Variants in NKAIN3 observed in about 807,000 individuals in gnomAD.
NKAIN3 encodes the protein sodium/potassium transporting ATPase interacting 3, also known as sodium/potassium-transporting ATPase subunit beta-1-interacting protein 3.
NKAIN3 carries 25 observed loss-of-function variants against 30.2 expected under a neutral mutation model. The ratio of observed to expected loss-of-function variants is 0.83; its 90% confidence interval spans 0.60 to 1.16. The LOEUF (loss-of-function observed/expected upper bound fraction) is 1.16. NKAIN3 is among the 50% of genes most tolerant of loss of function. The pLI is 0.00. For synonymous variants in NKAIN3, 91 were observed against 89.6 expected (o/e 1.02, Z -0.09); for missense variants, 225 against 254.1 (o/e 0.89, Z 0.78).
intron 1 of NKAIN3, among the ~76,000 whole-genome samples, chr8:62,384,744 T>C (rs1817373955): frequency 6.6e-6 from 1 of 152,112 alleles, no homozygotes; most frequent in Non-Finnish European, 1.5e-5. Flanking sequence ...TAAGCAGTGT[T>C]CACTTAAAAA....
At chr8:62,455,791 G>A (rs1805797780) in intron 1 of NKAIN3, among the ~76,000 whole-genome samples, 1 of 152,160 alleles carries the variant, frequency 6.6e-6, no homozygotes, top group Admixed American at 6.5e-5. Context: ...AAGCTTGTTA[G>A]CCTCAAATAA....
At chr8:62,576,193 GA>G (rs1464898021) in intron 1 of NKAIN3, among the ~76,000 whole-genome samples, 4 of 151,896 alleles carry the variant, frequency 2.6e-5, no homozygotes, top group Non-Finnish European at 4.4e-5. Flanking sequence ...CAGAATGGGA[GA>G]AAAAAATTGC....
chr8:62,863,974 GAAA>G, intron 4 of NKAIN3: 1 of 812,338 alleles, frequency 1.2e-6, no homozygotes, highest in Non-Finnish European at 2.2e-6. Flanking sequence ...AGGTGGAGGA[GAAA>G]GAACTAAAGG....
At chr8:62,477,849 A>AG (rs1806571160) in intron 1 of NKAIN3, among the ~76,000 whole-genome samples, 1 of 152,210 alleles carries the variant, frequency 6.6e-6, no homozygotes, top group South Asian at 2.1e-4. Context: ...TAAAACAGTG[A>AG]GGGGATTAGA....
At chr8:62,892,992 T>G (rs953064171) in intron 4 of NKAIN3, among the ~76,000 whole-genome samples, 14 of 152,276 alleles carry the variant, frequency 9.2e-5, no homozygotes, top group Middle Eastern at 6.8e-3. Context: ...TATATCAGTA[T>G]AAAAAGGTGG....
At chr8:62,837,997 G>A (rs1819420215) in intron 4 of NKAIN3, among the ~76,000 whole-genome samples, 2 of 152,098 alleles carry the variant, frequency 1.3e-5, no homozygotes, top group South Asian at 4.1e-4. Flanking sequence ...AATGATAAAA[G>A]TAAGGATAAA....
intron 1 of NKAIN3, among the ~76,000 whole-genome samples, chr8:62,453,660 T>C (rs1265961622): frequency 1.3e-5 from 2 of 151,450 alleles, no homozygotes; most frequent in Admixed American, 1.3e-4. Flanking sequence ...AAAGAGAAAG[T>C]TTAAATAAAC....
chr8:62,766,954 A>G (rs1816858363), intron 4 of NKAIN3, among the ~76,000 whole-genome samples: 1 of 151,384 alleles, frequency 6.6e-6, no homozygotes, highest in South Asian at 2.1e-4. Flanking sequence ...TATGTAGGAA[A>G]ACTGTCCATT....
At chr8:62,800,199 AAATAAAT>A (rs1476487265) in intron 4 of NKAIN3, among the ~76,000 whole-genome samples, 17 of 150,774 alleles carry the variant, frequency 1.1e-4, no homozygotes, top group African/African-American at 3.4e-4. Flanking sequence ...AAACCTATTG[AAATAAAT>A]AATAAATAAA....
rs576909613 is a variant in NKAIN3, at chr8:62,596,863, A to G, written c.273+7069A>G. 3.8e-3 allele frequency among the ~76,000 whole-genome samples: 573 copies of G among 152,222 alleles called. 2 individuals carry two copies. Among genetic ancestry groups the G allele is most frequent in the Admixed American group, 5.9e-3 (90 of 15,272 alleles). On this transcript the variant is annotated intron_variant, in intron 3 of 6. Coordinates refer to ENST00000623646, the MANE Select transcript of NKAIN3 (RefSeq NM_001304533.3). Reference sequence around the variant, plus strand: ...TATCTTTTCTTCATTGTCTGCAAGAAATGTGACTGGGTTAAGAGTTGCACA... The same window carrying G: ...TATCTTTTCTTCATTGTCTGCAAGAGATGTGACTGGGTTAAGAGTTGCACA...
At chr8:62,631,942 A>G (rs1811975932) in intron 3 of NKAIN3, among the ~76,000 whole-genome samples, 1 of 152,152 alleles carries the variant, frequency 6.6e-6, no homozygotes, top group South Asian at 2.1e-4. Context: ...GTCTATCACA[A>G]TGTCTGATTC....
rs532961711 is a variant in NKAIN3 at position 62,916,735 on chromosome 8, C to G, written c.472-1718C>G. ...GGAAGGAACACAACACTGCTTCCTCCTCTTCTCACCCCACTTCTCTCACTG... is the reference window on the plus strand; with the variant it reads ...GGAAGGAACACAACACTGCTTCCTCGTCTTCTCACCCCACTTCTCTCACTG... On this transcript the variant is annotated intron_variant, in intron 4 of 6. Transcript: ENST00000623646. Among the ~76,000 whole-genome samples the G allele has an allele frequency of 2.0e-3, 297 of 152,264 alleles. 3 individuals are homozygous for G. The highest frequency in any genetic ancestry group is 6.2e-3 in the African/African-American group (259 of 41,540).
At chr8:62,904,018 T>TGG (rs1563620673) in intron 4 of NKAIN3, among the ~76,000 whole-genome samples, 2 of 152,142 alleles carry the variant, frequency 1.3e-5, no homozygotes, top group African/African-American at 4.8e-5. Context: ...AGCCAAACCA[T>TGG]ATTGCTGTCC....
chr8:62,932,854 C>G (rs576684072), intron 5 of NKAIN3, among the ~76,000 whole-genome samples: 1 of 152,236 alleles, frequency 6.6e-6, no homozygotes. Context: ...TCTCCCACCT[C>G]AGCTTCCCAA....
At chr8:62,632,627 C>T (rs1586030635) in intron 3 of NKAIN3, among the ~76,000 whole-genome samples, 2 of 151,954 alleles carry the variant, frequency 1.3e-5, no homozygotes, top group Admixed American at 1.3e-4. Context: ...CTCAGCCTCC[C>T]GAGTAGCTGG....
chr8:62,735,024 C>A (rs561110771), intron 3 of NKAIN3, among the ~76,000 whole-genome samples: 4 of 152,288 alleles, frequency 2.6e-5, no homozygotes, highest in African/African-American at 9.6e-5. Context: ...TGCCTCACAG[C>A]TCTTAAAATT....
chr8:62,697,644 G>A (rs1814206596), intron 3 of NKAIN3, among the ~76,000 whole-genome samples: 1 of 152,058 alleles, frequency 6.6e-6, no homozygotes, highest in Non-Finnish European at 1.5e-5. Flanking sequence ...TGCTCTTGAT[G>A]GGCAAGGGTC....
At position 62,318,275 on chromosome 8, in the gene NKAIN3, C is replaced by T. The variant is rs535745444; in HGVS notation, c.54+69148C>T. Among the ~76,000 whole-genome samples the T allele has an allele frequency of 5.3e-5, 8 of 152,256 alleles. No homozygotes were observed. In the East Asian group the frequency reaches 1.2e-3, roughly 22 times the overall value. ...CCTAATTGAATACCCTTTATTTCCT[C>T]TCCTGCCTGATTGCCCTGGCCAGAA... is the stretch of plus-strand genomic sequence containing the variant. On this transcript the variant is annotated intron_variant, in intron 1 of 6. Transcript: ENST00000623646.
At chr8:62,881,982 T>C (rs1201621085) in intron 4 of NKAIN3, among the ~76,000 whole-genome samples, 1 of 152,226 alleles carries the variant, frequency 6.6e-6, no homozygotes, top group Non-Finnish European at 1.5e-5. Flanking sequence ...TGTTTTAATT[T>C]GCAATACCTT....
Sources: allele counts gnomAD v4.1 joint callset (sites outside exome capture counted in the v4.1 genomes callset), GRCh38; gene constraint gnomAD v4.1.1; transcripts MANE v1.5; gene names NCBI Gene and HGNC (gene_info 2026-07-23, HGNC 2026-07-21).